The following PDE4B variants were observed in gnomAD, a reference collection of about 807,000 sequenced individuals.
The protein encoded by PDE4B is 3',5'-cyclic-AMP phosphodiesterase 4B.
PDE4B carries 20 observed loss-of-function variants against 82.2 expected under a neutral mutation model. The observed-to-expected ratio is 0.24, with a 90% CI of 0.17 to 0.35. PDE4B has a LOEUF of 0.35. PDE4B is among the 10% of genes least tolerant of loss of function. The pLI is 1.00. For missense variants in PDE4B, 655 were observed against 907.2 expected (o/e 0.72, Z 3.57); for synonymous variants, 320 against 318.9 (o/e 1.00, Z -0.04).
At chr1:65,951,750 C>T (rs543741634) in intron 3 of PDE4B, among the ~76,000 whole-genome samples, 15 of 152,068 alleles carry the variant, frequency 9.9e-5, no homozygotes, top group African/African-American at 3.6e-4. Context: ...TCACCTTTTA[C>T]CTGTTTTACC....
At chr1:66,257,519 A>C (rs374146729) in intron 4 of PDE4B, 128 bp from the exon 5 acceptor site, 16 of 967,412 alleles carry the variant, frequency 1.7e-5, no homozygotes, top group African/African-American at 1.4e-4. Flanking sequence ...GTCCTGTCTT[A>C]TATCCAGGTA....
At chr1:66,021,535 C>G (rs982581785) in intron 3 of PDE4B, among the ~76,000 whole-genome samples, 3 of 152,102 alleles carry the variant, frequency 2.0e-5, no homozygotes, top group South Asian at 2.1e-4. Context: ...TTCTATATAT[C>G]GCTAGGCAGT....
At chr1:66,056,245 C>A (rs969691296) in intron 3 of PDE4B, among the ~76,000 whole-genome samples, 14 of 152,052 alleles carry the variant, frequency 9.2e-5, no homozygotes, top group African/African-American at 3.4e-4. Flanking sequence ...TTCTTTCAGA[C>A]CTTTTCTCTA....
intron 3 of PDE4B, among the ~76,000 whole-genome samples, chr1:66,176,168 T>G (rs1262438833): frequency 6.6e-6 from 1 of 152,210 alleles, no homozygotes; most frequent in Non-Finnish European, 1.5e-5. Context: ...GATTGCATAG[T>G]TGACTCAACA....
chr1:66,118,386 C>CA (rs1645640018), intron 3 of PDE4B, among the ~76,000 whole-genome samples: 2 of 152,098 alleles, frequency 1.3e-5, no homozygotes, highest in Non-Finnish European at 1.5e-5. Context: ...GAATACTATG[C>CA]AGCCATAAAA....
chr1:66,373,220 T>C lies in PDE4B; in HGVS notation c.*542T>C, dbSNP rs1009604671. ...AAAAGGGAAAGAAAATAGTCTTCCT[T>C]CTTTCTTGGGCAATATCCTTCACTT... On this transcript the variant is annotated 3_prime_UTR_variant, in exon 17 of 17. Transcript: ENST00000341517. The C allele has an allele frequency of 1.9e-5, 3 of 154,362 alleles. No individual in the cohort carries two copies. The highest frequency in any genetic ancestry group is 7.2e-5 in the African/African-American group (3 of 41,462). 9.6% of individuals were successfully genotyped at this position (154,362 alleles called of 1,614,324 possible).
intron 3 of PDE4B, among the ~76,000 whole-genome samples, chr1:66,139,142 G>A (rs1646117999): frequency 6.6e-6 from 1 of 152,164 alleles, no homozygotes; most frequent in African/African-American, 2.4e-5. Context: ...ATTGTCTCAT[G>A]GTTCTATTCA....
chr1:66,074,289 T>C (rs1169252540), intron 3 of PDE4B, among the ~76,000 whole-genome samples: 2 of 152,150 alleles, frequency 1.3e-5, no homozygotes, highest in African/African-American at 4.8e-5. Flanking sequence ...TGTGAGGAAT[T>C]GTCAGGTCAT....
chr1:66,332,103 A>G (rs1212247854), intron 7 of PDE4B: 34 of 1,183,452 alleles, frequency 2.9e-5, no homozygotes, highest in Admixed American at 4.3e-5. Context: ...GCACTCAGAA[A>G]TGACATCACA....
At chr1:65,970,424 G>A (rs1447418472) in intron 3 of PDE4B, among the ~76,000 whole-genome samples, 1 of 152,032 alleles carries the variant, frequency 6.6e-6, no homozygotes, top group African/African-American at 2.4e-5. Flanking sequence ...GGAGGTATTA[G>A]TGTAATATAT....
intron 8 of PDE4B, among the ~76,000 whole-genome samples, chr1:66,350,302 TCACAG>T: frequency 6.6e-6 from 1 of 152,186 alleles, no homozygotes; most frequent in African/African-American, 2.4e-5. Context: ...GGCGCCTGTC[TCACAG>T]CTGGGCTCCT....
intron 3 of PDE4B, among the ~76,000 whole-genome samples, chr1:65,968,289 C>A (rs775248418): frequency 6.6e-6 from 1 of 152,048 alleles, no homozygotes; most frequent in African/African-American, 2.4e-5. Flanking sequence ...GATCAGAATA[C>A]CTAAGGGTTT....
chr1:66,140,520 TA>T (rs1646151052), intron 3 of PDE4B, among the ~76,000 whole-genome samples: 1 of 152,280 alleles, frequency 6.6e-6, no homozygotes, highest in Non-Finnish European at 1.5e-5. Context: ...ATTTGTACTA[TA>T]CCAAAAAAAA....
intron 3 of PDE4B, among the ~76,000 whole-genome samples, chr1:66,032,209 G>C (rs771083967): frequency 6.6e-6 from 1 of 152,140 alleles, no homozygotes; most frequent in Non-Finnish European, 1.5e-5. Flanking sequence ...GAAGTATTTG[G>C]CATGTATTGT....
intron 7 of PDE4B, among the ~76,000 whole-genome samples, chr1:66,313,872 C>T (rs889596987): frequency 6.6e-6 from 1 of 152,168 alleles, no homozygotes; most frequent in Non-Finnish European, 1.5e-5. Flanking sequence ...GGCTCCTCCA[C>T]TTGTTATGGA....
At chr1:66,205,253 A>C (rs1649454134) in intron 3 of PDE4B, among the ~76,000 whole-genome samples, 1 of 152,180 alleles carries the variant, frequency 6.6e-6, no homozygotes, top group Non-Finnish European at 1.5e-5. Flanking sequence ...AGTTGCTTCT[A>C]CTCTACTCAA....
chr1:65,883,552 T>A (rs1291691382), intron 1 of PDE4B, among the ~76,000 whole-genome samples: 2 of 152,294 alleles, frequency 1.3e-5, no homozygotes, highest in East Asian at 3.9e-4. Context: ...TAAGGAGATT[T>A]TGGGCTGAGA....
At chr1:65,954,464 C>T (rs80267776) in intron 3 of PDE4B, among the ~76,000 whole-genome samples, 3 of 152,160 alleles carry the variant, frequency 2.0e-5, no homozygotes, top group East Asian at 1.9e-4. Flanking sequence ...TTATATATCA[C>T]GTTCATGCAT....
Position 66,008,413 on chromosome 1 carries a change from C to A in PDE4B, c.281+89578C>A, listed in dbSNP as rs377737020. ...TTCTATAGATGAATTATCTGTGTACCTGGTTAAGGCCACCCCTTACTGTGC... is the reference window on the plus strand; with the variant it reads ...TTCTATAGATGAATTATCTGTGTACATGGTTAAGGCCACCCCTTACTGTGC... On this transcript the variant is annotated intron_variant, in intron 3 of 16. Coordinates refer to ENST00000341517, the MANE Select transcript of PDE4B (RefSeq NM_002600.4). Among the ~76,000 whole-genome samples, 10 of 152,114 alleles carry A rather than the reference C, an allele frequency of 6.6e-5. No individual in the cohort carries two copies. The South Asian group carries it at 1.9e-3, about 28-fold the overall frequency.
Sources: allele counts gnomAD v4.1 joint callset (sites outside exome capture counted in the v4.1 genomes callset), GRCh38; gene constraint gnomAD v4.1.1; transcripts MANE v1.5; gene names NCBI Gene and HGNC (gene_info 2026-07-23, HGNC 2026-07-21).